Variants in DIS3L2 observed in about 807,000 individuals in gnomAD.
DIS3L2 encodes the protein DIS3 like 3'-5' exoribonuclease 2.
DIS3L2 carries 34 observed loss-of-function variants against 97.5 expected under a neutral mutation model. The ratio of observed to expected loss-of-function variants is 0.35; its 90% CI spans 0.27 to 0.46. The LOEUF is 0.46. Among genes scored for constraint, DIS3L2 ranks in the 20% least tolerant of loss-of-function variants. DIS3L2 has a pLI of 1.00. For synonymous variants in DIS3L2, 435 were observed against 445.2 expected (o/e 0.98, Z 0.29); for missense variants, 1,038 against 1,146.0 (o/e 0.91, Z 1.36).
intron 3 of DIS3L2, among the ~76,000 whole-genome samples, chr2:232,021,369 T>G (rs1324808964): frequency 6.6e-6 from 1 of 151,982 alleles, no homozygotes; most frequent in Non-Finnish European, 1.5e-5. Context: ...GAGATCTTAG[T>G]GAAATCGAAG....
intron 9 of DIS3L2, among the ~76,000 whole-genome samples, chr2:232,166,342 G>A (rs906852497): frequency 2.0e-5 from 3 of 152,140 alleles, no homozygotes; most frequent in South Asian, 2.1e-4. Context: ...ACACACACGC[G>A]TGCGCGCGCG....
intron 6 of DIS3L2, among the ~76,000 whole-genome samples, chr2:232,129,331 G>A (rs549381319): frequency 1.3e-5 from 2 of 152,268 alleles, no homozygotes; most frequent in Admixed American, 6.5e-5. Context: ...GGTGAGGTAT[G>A]TTATGGAACA....
At chr2:232,229,966 T>C (rs950261313) in intron 10 of DIS3L2, among the ~76,000 whole-genome samples, 3 of 152,176 alleles carry the variant, frequency 2.0e-5, no homozygotes, top group Non-Finnish European at 4.4e-5. Context: ...CTCCTCATGG[T>C]GGGTTCCTGC....
chr2:232,168,185 A>T (rs1383366564), intron 9 of DIS3L2, among the ~76,000 whole-genome samples: 1 of 152,218 alleles, frequency 6.6e-6, no homozygotes, highest in Non-Finnish European at 1.5e-5. Context: ...ACATCCATTT[A>T]AAAAAATGTT....
chr2:231,984,544 G>C lies in DIS3L2; in HGVS notation c.-94+22779G>C, dbSNP rs868645185. ...TGGGACTACAGGCGCCTGCTACCACGCCCGGCTAATTTTTTTTTTTTTGTA... is the reference window on the plus strand; with the variant it reads ...TGGGACTACAGGCGCCTGCTACCACCCCCGGCTAATTTTTTTTTTTTTGTA... On this transcript the variant is annotated intron_variant, in intron 1 of 20. Transcript: ENST00000325385. Among the ~76,000 whole-genome samples the C allele has an allele frequency of 2.7e-4, 41 of 151,462 alleles. 2 individuals carry two copies. The Middle Eastern group carries it at 0.027, about 101-fold the overall frequency.
chr2:232,219,667 C>T (rs910490914), intron 10 of DIS3L2, among the ~76,000 whole-genome samples: 1 of 152,098 alleles, frequency 6.6e-6, no homozygotes, highest in Non-Finnish European at 1.5e-5. Flanking sequence ...AATTGGCCCA[C>T]GTGAGGCTCA....
chr2:232,010,310 CTCTG>C (rs746583015), intron 1 of DIS3L2, among the ~76,000 whole-genome samples: 10 of 151,978 alleles, frequency 6.6e-5, no homozygotes, highest in Non-Finnish European at 1.2e-4. Context: ...GTCTCCCTGT[CTCTG>C]TCTCTCATTT....
chr2:232,340,237 T>C (rs1696075491), downstream of DIS3L2, among the ~76,000 whole-genome samples: 1 of 152,026 alleles, frequency 6.6e-6, no homozygotes, highest in African/African-American at 2.4e-5. Context: ...AAGGTGAGTG[T>C]CCCAGGCGTA....
At chr2:232,335,044 G>A in intron 19 of DIS3L2, 1 of 331,952 alleles carries the variant, frequency 3.0e-6, no homozygotes. Context: ...GGAATGAAAG[G>A]CCAGCGAATG....
intron 5 of DIS3L2, among the ~76,000 whole-genome samples, chr2:232,064,114 C>G (rs1457849993): frequency 1.3e-5 from 2 of 152,218 alleles, no homozygotes; most frequent in East Asian, 1.9e-4. Context: ...TAAAAAATCA[C>G]TCCCTTTAAG....
chr2:232,269,466 GTAGAGCTTTTCTATAAA>G lies in DIS3L2; in HGVS notation c.1659+6029_1659+6045del, dbSNP rs1559184336. Among the ~76,000 whole-genome samples, 1 of 152,110 alleles carries G rather than the reference GTAGAGCTTTTCTATAAA, an allele frequency of 6.6e-6. No individual in the cohort carries two copies. On this transcript the variant is annotated intron_variant, in intron 13 of 20. Transcript: ENST00000325385. The surrounding 1 kb of genome is among the most constrained non-coding windows in gnomAD (Gnocchi z 4.5). ...GTAGAATCATTCTGTTTTCTTAGTC[GTAGAGCTTTTCTATAAA>G]TAATATAGGAAAATAATGAGAGAGC...
intron 7 of DIS3L2, chr2:232,131,729 A>G (rs567434522): frequency 2.0e-5 from 3 of 152,188 alleles, no homozygotes; most frequent in Non-Finnish European, 4.4e-5. Context: ...TGCTTACTCT[A>G]CCAAGCAAGT....
chr2:232,069,063 C>T (rs144936529), intron 5 of DIS3L2, among the ~76,000 whole-genome samples: 15,279 of 151,984 alleles, frequency 0.1, 1,001 homozygotes, highest in African/African-American at 0.19. Flanking sequence ...GTGATCTGCC[C>T]GCCTCAGCCT....
intron 8 of DIS3L2, among the ~76,000 whole-genome samples, chr2:232,148,157 C>T (rs931792907): frequency 1.3e-5 from 2 of 150,544 alleles, no homozygotes; most frequent in Non-Finnish European, 3.0e-5. Context: ...TCAAGCGATT[C>T]TCCTGCCTCA....
At chr2:232,118,214 A>T (rs13009630) in intron 6 of DIS3L2, among the ~76,000 whole-genome samples, 19,067 of 152,154 alleles carry the variant, frequency 0.13, 1,711 homozygotes, top group South Asian at 0.33. Context: ...CTAATCATGG[A>T]AGTGACAGGG....
chr2:232,001,715 C>CTTTTTTTTTT (rs36048859), intron 1 of DIS3L2, among the ~76,000 whole-genome samples: 1 of 60,052 alleles, frequency 1.7e-5, no homozygotes, highest in African/African-American at 5.3e-5. Context: ...ATCTTTAATT[C>CTTTTTTTTTT]TTTTTTTTTT....
rs375508752 is a variant in DIS3L2, at chr2:232,281,626, G to A, written c.1659+18186G>A. Among the ~76,000 whole-genome samples the A allele has an allele frequency of 6.6e-6, 1 of 152,130 alleles. No homozygotes were observed. Among genetic ancestry groups the A allele is most frequent in the African/African-American group, 2.4e-5 (1 of 41,422 alleles). ...ACAGCTGACAGGAGGGAACAGATGAGAGAAGTGGAATCAGAACCACAAAAG... is the reference window on the plus strand; with the variant it reads ...ACAGCTGACAGGAGGGAACAGATGAAAGAAGTGGAATCAGAACCACAAAAG... On this transcript the variant is annotated intron_variant, in intron 13 of 20. Transcript: ENST00000325385. This position sits in a 1 kb window ranked among gnomAD's most constrained non-coding sequence, Gnocchi z 4.1.
intron 1 of DIS3L2, among the ~76,000 whole-genome samples, chr2:232,009,482 G>T (rs1387175250): frequency 6.6e-6 from 1 of 152,020 alleles, no homozygotes; most frequent in Non-Finnish European, 1.5e-5. Context: ...TTATTTTTCA[G>T]TATGGCTGTC....
chr2:231,970,914 C>T (rs1692885733), intron 1 of DIS3L2, among the ~76,000 whole-genome samples: 1 of 152,076 alleles, frequency 6.6e-6, no homozygotes. Context: ...ATTCTATAAA[C>T]TTTTTTCTAT....
Sources: allele counts gnomAD v4.1 joint callset (sites outside exome capture counted in the v4.1 genomes callset), GRCh38; gene constraint gnomAD v4.1.1; non-coding constraint Gnocchi (gnomAD v3.1); transcripts MANE v1.5; gene names NCBI Gene and HGNC (gene_info 2026-07-23, HGNC 2026-07-21).